ARHGAP15: variants seen among roughly 807,000 people sequenced by gnomAD.
The protein encoded by ARHGAP15 is Rho GTPase activating protein 15.
ARHGAP15 carries 51 observed loss-of-function variants against 63.7 expected under a neutral mutation model. The ratio of observed to expected loss-of-function variants is 0.80; its 90% CI spans 0.64 to 1.01. The LOEUF is 1.01. ARHGAP15 is among the 50% of genes least tolerant of loss of function. The pLI is 0.00. For synonymous variants in ARHGAP15, 191 were observed against 193.8 expected (o/e 0.99, Z 0.12); for missense variants, 560 against 564.6 (o/e 0.99, Z 0.08).
chr2:143,702,729 TTGG>T (rs749657538), intron 12 of ARHGAP15, among the ~76,000 whole-genome samples: 5 of 152,098 alleles, frequency 3.3e-5, no homozygotes, highest in Non-Finnish European at 5.9e-5. Context: ...TTCCCAGCTT[TTGG>T]AGACTGTGGC....
At chr2:143,749,520 C>A (rs971274808) in intron 13 of ARHGAP15, among the ~76,000 whole-genome samples, 23 of 152,100 alleles carry the variant, frequency 1.5e-4, no homozygotes, top group Admixed American at 1.5e-3. Flanking sequence ...TTCCCTTAAA[C>A]GTTTCATTTA....
intron 2 of ARHGAP15, among the ~76,000 whole-genome samples, chr2:143,200,335 G>C (rs1692058510): frequency 6.6e-6 from 1 of 151,084 alleles, no homozygotes; most frequent in Admixed American, 6.6e-5. Flanking sequence ...TGGGGTTCCA[G>C]GTTGTATAGA....
At chr2:143,571,775 G>C (rs929883490) in intron 11 of ARHGAP15, 1 of 152,052 alleles carries the variant, frequency 6.6e-6, no homozygotes, top group African/African-American at 2.4e-5. Flanking sequence ...TTCATGTCTG[G>C]CAGCCATAAG....
At position 143,468,963 on chromosome 2, in the gene ARHGAP15, C is replaced by T. The variant is rs542717075; in HGVS notation, c.704-18410C>T. 2.6e-5 allele frequency among the ~76,000 whole-genome samples: 4 copies of T among 152,230 alleles called. No individual in the cohort carries two copies. The East Asian group carries it at 7.7e-4, about 29-fold the overall frequency. On this transcript the variant is annotated intron_variant, in intron 8 of 13. Coordinates refer to ENST00000295095, the MANE Select transcript of ARHGAP15 (RefSeq NM_018460.4). ...TCATGATTTGGAGAATGCACTGTAA[C>T]CAGACAATGCCTATCCAGCCTTTCC... is the stretch of plus-strand genomic sequence containing the variant.
At chr2:143,364,897 G>A (rs1052802817) in intron 6 of ARHGAP15, among the ~76,000 whole-genome samples, 25 of 152,184 alleles carry the variant, frequency 1.6e-4, no homozygotes, top group Middle Eastern at 3.4e-3. Flanking sequence ...TCCCAGCTAC[G>A]CAGAAGGCTG....
chr2:143,199,954 T>C (rs759879646), intron 2 of ARHGAP15, among the ~76,000 whole-genome samples: 1 of 152,100 alleles, frequency 6.6e-6, no homozygotes, highest in Non-Finnish European at 1.5e-5. Flanking sequence ...ATATAAGCTC[T>C]GTCCCACTTT....
At position 143,635,194 on chromosome 2, in the gene ARHGAP15, C is replaced by CTTTTTTTTTTTTT. The variant is rs10558886; in HGVS notation, c.1138+10944_1138+10956dup. 3.3e-4 allele frequency among the ~76,000 whole-genome samples: 9 copies of CTTTTTTTTTTTTT among 26,888 alleles called. 1 individual carries two copies. Among genetic ancestry groups the CTTTTTTTTTTTTT allele is most frequent in the Non-Finnish European group, 4.9e-4 (8 of 16,376 alleles). 17.6% of individuals were successfully genotyped at this position (26,888 alleles called of 152,430 possible). On this transcript the variant is annotated intron_variant, in intron 12 of 13. Coordinates refer to ENST00000295095, the MANE Select transcript of ARHGAP15 (RefSeq NM_018460.4). The stretch of plus-strand genomic sequence containing the variant: ...AACTTTCATATTAACCTCTCAGGAG[C>CTTTTTTTTTTTTT]TTTTTTTTTTTTTTTTTTTTTTTTT...
intron 13 of ARHGAP15, among the ~76,000 whole-genome samples, chr2:143,705,528 C>T (rs1684290305): frequency 6.6e-6 from 1 of 152,156 alleles, no homozygotes; most frequent in African/African-American, 2.4e-5. Flanking sequence ...AAGCATTCCT[C>T]AAATGTTAAT....
chr2:143,686,855 A>G (rs1454187793), intron 12 of ARHGAP15, among the ~76,000 whole-genome samples: 1 of 152,186 alleles, frequency 6.6e-6, no homozygotes, highest in Non-Finnish European at 1.5e-5. Context: ...TGAGCCAAAA[A>G]CCTTAATTCT....
chr2:143,487,904 G>T (rs1360154473), intron 9 of ARHGAP15, among the ~76,000 whole-genome samples: 2 of 152,126 alleles, frequency 1.3e-5, no homozygotes, highest in East Asian at 3.8e-4. Context: ...TTGGATAAAA[G>T]GTTATCTGAT....
At chr2:143,473,546 G>C (rs932232866) in intron 8 of ARHGAP15, among the ~76,000 whole-genome samples, 2 of 152,116 alleles carry the variant, frequency 1.3e-5, no homozygotes, top group Non-Finnish European at 2.9e-5. Flanking sequence ...AGTAGTTCTT[G>C]TTATTAGCCA....
chr2:143,340,574 G>A (rs543755348), intron 6 of ARHGAP15, among the ~76,000 whole-genome samples: 13 of 151,132 alleles, frequency 8.6e-5, no homozygotes, highest in African/African-American at 3.2e-4. Flanking sequence ...CTTTTTATGG[G>A]CAAGCAGTGT....
chr2:143,622,316 G>A (rs924588159), intron 11 of ARHGAP15, among the ~76,000 whole-genome samples: 2 of 152,046 alleles, frequency 1.3e-5, no homozygotes, highest in African/African-American at 4.8e-5. Flanking sequence ...GATTTAATCA[G>A]GAGTAAAACC....
At chr2:143,513,293 T>TC (rs1349533535) in intron 9 of ARHGAP15, among the ~76,000 whole-genome samples, 1 of 152,012 alleles carries the variant, frequency 6.6e-6, no homozygotes, top group Non-Finnish European at 1.5e-5. Flanking sequence ...GTAATGTACC[T>TC]CCCCCACTTC....
intron 10 of ARHGAP15, among the ~76,000 whole-genome samples, chr2:143,534,374 T>C (rs898167915): frequency 1.3e-5 from 2 of 152,192 alleles, no homozygotes; most frequent in African/African-American, 2.4e-5. Context: ...CAGTTCGTTA[T>C]AGCAGTATGA....
chr2:143,220,280 T>C (rs964203885), intron 4 of ARHGAP15, among the ~76,000 whole-genome samples: 45 of 152,164 alleles, frequency 3.0e-4, no homozygotes, highest in Non-Finnish European at 4.0e-4. Flanking sequence ...TGGAGTGCAG[T>C]GATGCCAGCC....
At chr2:143,530,482 G>C (rs971227379) in intron 10 of ARHGAP15, among the ~76,000 whole-genome samples, 1 of 152,138 alleles carries the variant, frequency 6.6e-6, no homozygotes, top group Non-Finnish European at 1.5e-5. Context: ...AGCCAAATTT[G>C]ATGCTTTTGA....
At position 143,685,173 on chromosome 2, in the gene ARHGAP15, G is replaced by T. The variant is rs183112917; in HGVS notation, c.1139-18246G>T. 1.6e-3 allele frequency among the ~76,000 whole-genome samples: 245 copies of T among 151,908 alleles called. 1 individual carries two copies. Among genetic ancestry groups the T allele is most frequent in the African/African-American group, 5.7e-3 (238 of 41,524 alleles). ...CCGAAGTCGCATTTGCTCGGGAGAG[G>T]GGGGTGGGCTTGTAGGGTGACCATG... On this transcript the variant is annotated intron_variant, in intron 12 of 13. Coordinates refer to ENST00000295095, the MANE Select transcript of ARHGAP15 (RefSeq NM_018460.4).
chr2:143,153,780 T>TCTTCA (rs1689935215), intron 1 of ARHGAP15, among the ~76,000 whole-genome samples: 12 of 27,544 alleles, frequency 4.4e-4, no homozygotes, highest in African/African-American at 1.4e-3. Context: ...ATAATAAATC[T>TCTTCA]TCTTCTTCTT....
Sources: allele counts gnomAD v4.1 joint callset (sites outside exome capture counted in the v4.1 genomes callset), GRCh38; gene constraint gnomAD v4.1.1; transcripts MANE v1.5; gene names NCBI Gene and HGNC (gene_info 2026-07-23, HGNC 2026-07-21).